TMEM68: variants seen among roughly 807,000 people sequenced by gnomAD.
The protein encoded by TMEM68 is DGAT1/2-independent enzyme synthesizing storage lipids.
Under a neutral mutation model 36.9 loss-of-function variants are expected in TMEM68, and 25 were observed. The ratio of observed to expected loss-of-function variants is 0.68; its 90% CI spans 0.49 to 0.95. The LOEUF (loss-of-function observed/expected upper bound fraction) is 0.95, where lower values mean the gene tolerates loss of function less well. Among genes scored for constraint, TMEM68 ranks in the 40% least tolerant of loss-of-function variants. The probability of loss-of-function intolerance (pLI) is 0.00; values close to 1 mark genes in which losing one functional copy is unlikely to be tolerated. For synonymous variants in TMEM68, 131 were observed against 124.4 expected (o/e 1.05, Z -0.35); for missense variants, 333 against 392.0 (o/e 0.85, Z 1.27).
intron 4 of TMEM68, 33 bp from the exon 5 acceptor site, chr8:55,751,190 A>T: frequency 6.5e-7 from 1 of 1,536,852 alleles, no homozygotes; most frequent in Non-Finnish European, 8.8e-7. Flanking sequence ...GTTACAACAT[A>T]AGTATTTCTT....
intron 3 of TMEM68, chr8:55,761,910 A>G (rs1439512797): frequency 6.6e-6 from 1 of 152,196 alleles, no homozygotes; most frequent in African/African-American, 2.4e-5. Flanking sequence ...TGCCTATTGA[A>G]TCTTCAGTAT....
intron 3 of TMEM68, 36 bp downstream of exon 3, chr8:55,762,599 G>T: frequency 6.2e-7 from 1 of 1,613,570 alleles, no homozygotes; most frequent in Non-Finnish European, 8.5e-7. Flanking sequence ...CAGCACACAT[G>T]AATGGCAACA....
chr8:55,752,011 C>T (rs1810437961), intron 4 of TMEM68, among the ~76,000 whole-genome samples: 1 of 152,096 alleles, frequency 6.6e-6, no homozygotes, highest in Non-Finnish European at 1.5e-5. Context: ...GAGTTCAAGA[C>T]CAGCCTGGCC....
intron 3 of TMEM68, among the ~76,000 whole-genome samples, chr8:55,760,373 A>G (rs1475367398): frequency 6.6e-6 from 1 of 152,252 alleles, no homozygotes; most frequent in Non-Finnish European, 1.5e-5. Flanking sequence ...TGGCAAAAAG[A>G]AAAAAGTGAG....
chr8:55,761,089 A>T (rs534467860), intron 3 of TMEM68: 1 of 152,212 alleles, frequency 6.6e-6, no homozygotes, highest in Non-Finnish European at 1.5e-5. Context: ...CCAACTAATC[A>T]AATATTTAAA....
intron 3 of TMEM68, among the ~76,000 whole-genome samples, chr8:55,757,005 T>C (rs1179646638): frequency 1.3e-5 from 2 of 151,842 alleles, no homozygotes; most frequent in Non-Finnish European, 2.9e-5. Context: ...TGATGGGAGA[T>C]GGGTTACACA....
chr8:55,771,412 G>C (rs989046486), intron 1 of TMEM68, among the ~76,000 whole-genome samples: 1 of 149,402 alleles, frequency 6.7e-6, no homozygotes, highest in Non-Finnish European at 1.5e-5. Flanking sequence ...GACCAGTCTG[G>C]GCAATATGGC....
At chr8:55,765,535 T>C (rs1810937990) in intron 1 of TMEM68, among the ~76,000 whole-genome samples, 1 of 152,220 alleles carries the variant, frequency 6.6e-6, no homozygotes, top group African/African-American at 2.4e-5. Context: ...ATACCTTACA[T>C]GTAATCAGTG....
At chr8:55,758,649 T>TA (rs1438890080) in intron 3 of TMEM68, among the ~76,000 whole-genome samples, 2 of 151,936 alleles carry the variant, frequency 1.3e-5, no homozygotes, top group African/African-American at 4.8e-5. Context: ...TGCAAAAATG[T>TA]AAAAAAATTA....
chr8:55,750,296 A>G (rs1485218457), intron 5 of TMEM68, among the ~76,000 whole-genome samples: 1 of 152,146 alleles, frequency 6.6e-6, no homozygotes, highest in Non-Finnish European at 1.5e-5. Flanking sequence ...TTCATTTTCT[A>G]TACAACTAAA....
At chr8:55,772,412 C>T (rs1453240908) in intron 1 of TMEM68, among the ~76,000 whole-genome samples, 2 of 152,230 alleles carry the variant, frequency 1.3e-5, no homozygotes, top group Non-Finnish European at 2.9e-5. Flanking sequence ...GAATACCACA[C>T]ACCAAATACT....
chr8:55,755,943 AT>A (rs1810592089), intron 4 of TMEM68, among the ~76,000 whole-genome samples: 2 of 151,848 alleles, frequency 1.3e-5, no homozygotes, highest in Non-Finnish European at 2.9e-5. Context: ...ATTTAAAATT[AT>A]TTTTTAAAAA....
chr8:55,759,494 T>G (rs1387088659), intron 3 of TMEM68, among the ~76,000 whole-genome samples: 1 of 151,826 alleles, frequency 6.6e-6, no homozygotes, highest in African/African-American at 2.4e-5. Flanking sequence ...TCGCTCGAAC[T>G]TGGGAGGCGG....
intron 1 of TMEM68, among the ~76,000 whole-genome samples, chr8:55,766,851 G>A (rs1203986656): frequency 6.6e-6 from 1 of 152,178 alleles, no homozygotes; most frequent in African/African-American, 2.4e-5. Flanking sequence ...ATGTGGCAGA[G>A]GGAAGGCAGT....
At chr8:55,743,422 AAATAT>A in intron 7 of TMEM68, 54 bp downstream of exon 7, 1 of 1,485,984 alleles carries the variant, frequency 6.7e-7, no homozygotes, top group Non-Finnish European at 8.9e-7. Flanking sequence ...ATGAGATTCA[AAATAT>A]AATAATTGAA....
At chr8:55,751,198 C>T in intron 4 of TMEM68, 41 bp from the exon 5 acceptor site, 1 of 1,517,798 alleles carries the variant, frequency 6.6e-7, no homozygotes, top group East Asian at 2.3e-5. Flanking sequence ...ATAAGTATTT[C>T]TTGTTTAATT....
chr8:55,766,965 G>A (rs188706585), intron 1 of TMEM68, among the ~76,000 whole-genome samples: 11 of 152,286 alleles, frequency 7.2e-5, no homozygotes, highest in Admixed American at 3.3e-4. Context: ...TTGGCAACCT[G>A]AGTTTGTATC....
At chr8:55,770,435 G>A (rs185405779) in intron 1 of TMEM68, among the ~76,000 whole-genome samples, 2 of 152,244 alleles carry the variant, frequency 1.3e-5, no homozygotes, top group African/African-American at 2.4e-5. Flanking sequence ...AACAGTTTTC[G>A]AGGCCAAGGT....
chr8:55,743,085 C>T (rs1210051135), intron 7 of TMEM68, among the ~76,000 whole-genome samples: 2 of 152,186 alleles, frequency 1.3e-5, no homozygotes, highest in African/African-American at 4.8e-5. Context: ...CTTTCTTTCT[C>T]ACCTGCCTTG....
Sources: allele counts gnomAD v4.1 joint callset (sites outside exome capture counted in the v4.1 genomes callset), GRCh38; gene constraint gnomAD v4.1.1; transcripts MANE v1.5; gene names NCBI Gene and HGNC (gene_info 2026-07-23, HGNC 2026-07-21).